The following NGFR variants were observed in gnomAD, a reference collection of about 807,000 sequenced individuals.
NGFR encodes the protein tumor necrosis factor receptor superfamily member 16.
NGFR carries 30 observed loss-of-function variants against 43.2 expected under a neutral mutation model. The observed-to-expected ratio is 0.69, with a 90% CI of 0.52 to 0.94. The LOEUF is 0.94. NGFR is among the 40% of genes least tolerant of loss of function. The probability of loss-of-function intolerance (pLI) is 0.00; values close to 1 mark genes in which losing one functional copy is unlikely to be tolerated. For missense variants in NGFR, 529 were observed against 602.5 expected (o/e 0.88, Z 1.28); for synonymous variants, 246 against 259.6 (o/e 0.95, Z 0.50).
At chr17:49,504,158 A>G (rs1339083808) in intron 2 of NGFR, among the ~76,000 whole-genome samples, 2 of 152,152 alleles carry the variant, frequency 1.3e-5, no homozygotes, top group Non-Finnish European at 2.9e-5. Flanking sequence ...AAGGAAACCT[A>G]TTAAGCCCCT....
chr17:49,506,417 C>T lies in NGFR; in HGVS notation c.327C>T (p.Cys109=). 1.2e-6 allele frequency: 2 copies of T among 1,605,466 alleles called. No homozygotes were observed. The highest frequency in any genetic ancestry group is 1.7e-6 in the Non-Finnish European group (2 of 1,178,314). Residue 109 remains cysteine, a synonymous_variant, in exon 3 of 6, where the codon TGC becomes TGT. Transcript: ENST00000172229. ...AGGCCGACGACGCCGTGTGCCGCTG[C>T]GCCTACGGCTACTACCAGGATGAGA... ...CVEADDAVCR[C]AYGYYQDETT...
chr17:49,498,127 G>A (rs1177622655), intron 1 of NGFR, among the ~76,000 whole-genome samples: 3 of 152,138 alleles, frequency 2.0e-5, no homozygotes, highest in Non-Finnish European at 2.9e-5. Context: ...TGAGTCAGTG[G>A]TGGCGTCTTT....
chr17:49,506,704 G>GGGGGGGGGGGGGGGGGGGGGGGGGGC, intron 3 of NGFR, 46 bp downstream of exon 3: 1 of 737,234 alleles, frequency 1.4e-6, no homozygotes, highest in East Asian at 3.5e-5. Flanking sequence ...GCGGGGGTGG[G>GGGGGGGGGGGGGGGGGGGGGGGGGGC]CTGGGGGCAT....
Position 49,513,279 on chromosome 17 carries a change from C to A in NGFR, c.*270C>A. ...GCCCCTGCCCCGTCACCATCTCAGG[C>A]CACCTGCCCCCTTCTCCCACACTGC... On this transcript the variant is annotated 3_prime_UTR_variant, in exon 6 of 6. Transcript: ENST00000172229. 1 of 475,090 alleles carries A rather than the reference C, an allele frequency of 2.1e-6. No individual in the cohort carries two copies. The highest frequency in any genetic ancestry group is 3.7e-6 in the Non-Finnish European group (1 of 268,554). 29.4% of individuals were successfully genotyped at this position (475,090 alleles called of 1,614,324 possible).
chr17:49,510,349 G>A, intron 3 of NGFR, 63 bp from the exon 4 acceptor site: 1 of 1,593,618 alleles, frequency 6.3e-7, no homozygotes. Context: ...CACGGCAGTG[G>A]GTTAGAGCTA....
chr17:49,501,037 A>G (rs1034324465), intron 1 of NGFR, among the ~76,000 whole-genome samples: 163 of 152,356 alleles, frequency 1.1e-3, no homozygotes, highest in African/African-American at 3.5e-3. Context: ...GTCTGGAGCT[A>G]GCAAAGCAGG....
intron 1 of NGFR, 63 bp from the exon 2 acceptor site, chr17:49,502,000 A>ACCCGCCCC: frequency 1.1e-5 from 3 of 264,884 alleles, no homozygotes; most frequent in East Asian, 8.6e-5. Context: ...CCCCGGAAGA[A>ACCCGCCCC]CCCCCCCCAA....
Position 49,495,811 on chromosome 17 carries a change from C to T in NGFR, c.66+328C>T. ...TGCCCAGGTTCTTCGGAAGAGGACA[C>T]TCGAATGCCGGGATCCCGAAGGGAC... On this transcript the variant is annotated intron_variant, in intron 1 of 5. Coordinates refer to ENST00000172229, the MANE Select transcript of NGFR (RefSeq NM_002507.4). The surrounding 1 kb of genome is among the most constrained non-coding windows in gnomAD (Gnocchi z 6.4). 1 of 316,876 alleles carries T rather than the reference C, an allele frequency of 3.2e-6. No individual in the cohort carries two copies. The highest frequency in any genetic ancestry group is 5.8e-6 in the Non-Finnish European group (1 of 173,688). 19.6% of individuals were successfully genotyped at this position (316,876 alleles called of 1,614,324 possible). A position where few individuals can be genotyped will look rare whatever the true frequency, so the allele number is the denominator to read the frequency against.
rs147858274 is a variant in NGFR at position 49,509,298 on chromosome 17, A to T, written c.569-1114A>T. On this transcript the variant is annotated intron_variant, in intron 3 of 5. Coordinates refer to ENST00000172229, the MANE Select transcript of NGFR (RefSeq NM_002507.4). ...TTGGGTGGGCAAAGTGGGGGCTGGG[A>T]GGGCAGAGCTGGGAGCCAGTTACCC... 2.8e-3 allele frequency among the ~76,000 whole-genome samples: 428 copies of T among 152,220 alleles called. 2 individuals are homozygous for T. The highest frequency in any genetic ancestry group is 4.4e-3 in the Admixed American group (67 of 15,304).
chr17:49,499,495 G>GT (rs1567737651), intron 1 of NGFR, among the ~76,000 whole-genome samples: 1 of 152,190 alleles, frequency 6.6e-6, no homozygotes, highest in African/African-American at 2.4e-5. Context: ...TCAGAGTGGC[G>GT]TGAGAGCTCA....
Position 49,495,327 on chromosome 17 carries a change from AG to A in NGFR, c.-84del, listed in dbSNP as rs968906061. 18 of 1,036,264 alleles carry A rather than the reference AG, an allele frequency of 1.7e-5. No homozygotes were observed. Among genetic ancestry groups the A allele is most frequent in the East Asian group, 3.3e-5 (1 of 30,330 alleles). 64.2% of individuals were successfully genotyped at this position (1,036,264 alleles called of 1,614,324 possible). ...CGAGCCGCGGCCAGCTCCGGCGGGC[AG>A]GGGGGGCGCTGGAGCGCAGCGCAGC... On this transcript the variant is annotated 5_prime_UTR_variant, in exon 1 of 6. Coordinates refer to ENST00000172229, the MANE Select transcript of NGFR (RefSeq NM_002507.4). This position sits in a 1 kb window ranked among gnomAD's most constrained non-coding sequence, Gnocchi z 6.4.
At chr17:49,508,395 G>GAC (rs1465810304) in intron 3 of NGFR, among the ~76,000 whole-genome samples, 1 of 152,190 alleles carries the variant, frequency 6.6e-6, no homozygotes, top group Non-Finnish European at 1.5e-5. Context: ...AAGGAGGAGG[G>GAC]TGCTCCTGAG....
At chr17:49,499,593 A>G (rs2071156175) in intron 1 of NGFR, among the ~76,000 whole-genome samples, 1 of 151,558 alleles carries the variant, frequency 6.6e-6, no homozygotes, top group Admixed American at 6.6e-5. Context: ...TTATTTATTT[A>G]TTTATTTATT....
rs748726381 is a variant in NGFR, at chr17:49,506,588, C to A, written c.498C>A (p.Pro166=). The part of the protein sequence containing the change: ...DEANHVDPCL[P]CTVCEDTERQ... Reference sequence around the variant, plus strand: ...CCAACCACGTGGACCCGTGCCTGCCCTGCACCGTGTGCGAGGACACCGAGC... The same window carrying A: ...CCAACCACGTGGACCCGTGCCTGCCATGCACCGTGTGCGAGGACACCGAGC... Residue 166 remains proline (P), a synonymous_variant, in exon 3 of 6, where the codon CCC becomes CCA. Coordinates refer to ENST00000172229, the MANE Select transcript of NGFR (RefSeq NM_002507.4). 4 of 1,609,820 alleles carry A rather than the reference C, an allele frequency of 2.5e-6. No individual in the cohort carries two copies. In the South Asian group the frequency reaches 4.4e-5, roughly 18 times the overall value.
Position 49,506,661 on chromosome 17 carries a change from G to C in NGFR, c.568+3G>C, listed in dbSNP as rs767958769. The C allele has an allele frequency of 4.7e-6, 7 of 1,484,152 alleles. No individual in the cohort carries two copies. Among genetic ancestry groups the C allele is most frequent in the Non-Finnish European group, 5.4e-6 (6 of 1,114,244 alleles). The allele number at this position is 1,484,152 out of a possible 1,614,324, so 91.9% of individuals were successfully genotyped here. Reference sequence around the variant, plus strand: ...CTGGGCCGACGCCGAGTGCGAGGGTGAGTGCGGTTCGGGGGGCGGGGGGAG... The same window carrying C: ...CTGGGCCGACGCCGAGTGCGAGGGTCAGTGCGGTTCGGGGGGCGGGGGGAG... On this transcript the variant is annotated splice_donor_region_variant and intron_variant, in intron 3 of 5. Transcript: ENST00000172229.
intron 1 of NGFR, chr17:49,496,914 G>A (rs754939805): frequency 4.6e-5 from 7 of 152,244 alleles, no homozygotes; most frequent in Non-Finnish European, 8.8e-5. Flanking sequence ...GCCCTGGAAG[G>A]TCTGGCAACG....
Position 49,513,108 on chromosome 17 carries a change from C to G in NGFR, c.*99C>G. 7.7e-7 allele frequency: 1 copy of G among 1,292,006 alleles called. No individual in the cohort carries two copies. Among genetic ancestry groups the G allele is most frequent in the Non-Finnish European group, 1.0e-6 (1 of 968,446 alleles). The allele number at this position is 1,292,006 out of a possible 1,614,324, so 80.0% of individuals were successfully genotyped here. A position where few individuals can be genotyped will look rare whatever the true frequency, so the allele number is the denominator to read the frequency against. The stretch of plus-strand genomic sequence containing the variant: ...ACCCCCACCCTTTGGGGGGGGCCCG[C>G]CTGGCAGAACTGAGCTCCTCTGGGC... On this transcript the variant is annotated 3_prime_UTR_variant, in exon 6 of 6. Transcript: ENST00000172229.
In NGFR at chr17:49,512,057, G is replaced by C; in HGVS notation, c.982+5G>C. On this transcript the variant is annotated splice_donor_5th_base_variant and intron_variant, in intron 5 of 5. Coordinates refer to ENST00000172229, the MANE Select transcript of NGFR (RefSeq NM_002507.4). This position sits in a 1 kb window ranked among gnomAD's most constrained non-coding sequence, Gnocchi z 5.2. ...CGCAGACAGCCTCGGGCCAGGGTGA[G>C]CAGCGGCCCGCTGGGGAGCTGAGGC... is the stretch of plus-strand genomic sequence containing the variant. 6.2e-7 allele frequency: 1 copy of C among 1,611,720 alleles called. No individual in the cohort carries two copies. The highest frequency in any genetic ancestry group is 8.5e-7 in the Non-Finnish European group (1 of 1,179,008).
In NGFR at chr17:49,514,540, T is replaced by G. The variant is rs2071257515; in HGVS notation, c.*1531T>G. 6.6e-6 allele frequency: 1 copy of G among 152,060 alleles called. No individual in the cohort carries two copies. Among genetic ancestry groups the G allele is most frequent in the Non-Finnish European group, 1.5e-5 (1 of 68,086 alleles). The allele number at this position is 152,060 out of a possible 1,614,324, so 9.4% of individuals were successfully genotyped here. A position where few individuals can be genotyped will look rare whatever the true frequency, so the allele number is the denominator to read the frequency against. On this transcript the variant is annotated 3_prime_UTR_variant, in exon 6 of 6. Coordinates refer to ENST00000172229, the MANE Select transcript of NGFR (RefSeq NM_002507.4). ...GAAGTTGGAGTGAGTGTGGCTCCCC[T>G]CTATTTAGCATGACAAGCCCCAGGC...
Sources: gnomAD v4.1 joint callset for allele counts (sites outside exome capture counted in the v4.1 genomes callset) on GRCh38, gnomAD v4.1.1 for gene constraint, Gnocchi (gnomAD v3.1) non-coding constraint, MANE v1.5 for transcripts, NCBI Gene and HGNC (gene_info 2026-07-23, HGNC 2026-07-21) for gene names.